Variants in THSD4 observed in about 807,000 individuals in gnomAD.
THSD4 encodes thrombospondin type-1 domain-containing protein 4.
In THSD4, 69 loss-of-function variants were observed where a neutral mutation model predicts 119.0. The ratio of observed to expected loss-of-function variants is 0.58; its 90% CI spans 0.48 to 0.71. The LOEUF (loss-of-function observed/expected upper bound fraction) is 0.71. THSD4 is among the 30% of genes least tolerant of loss of function. THSD4 has a pLI of 0.00. For synonymous variants in THSD4, 524 were observed against 540.4 expected (o/e 0.97, Z 0.42); for missense variants, 1,393 against 1,391.1 (o/e 1.00, Z -0.02).
intron 7 of THSD4, among the ~76,000 whole-genome samples, chr15:71,455,689 G>A (rs1219675212): frequency 1.3e-5 from 2 of 152,180 alleles, no homozygotes; most frequent in African/African-American, 4.8e-5. Flanking sequence ...CGTTCCAGAT[G>A]AACCCCAATT....
chr15:71,217,275 A>G (rs566202474), intron 4 of THSD4, among the ~76,000 whole-genome samples: 22 of 152,272 alleles, frequency 1.4e-4, no homozygotes, highest in South Asian at 4.1e-4. Context: ...GGATGTTCTC[A>G]CCAAGCAGGA....
chr15:71,740,399 A>G (rs1323245921), intron 11 of THSD4, among the ~76,000 whole-genome samples: 1 of 152,224 alleles, frequency 6.6e-6, no homozygotes, highest in African/African-American at 2.4e-5. Context: ...CATCAAAGGA[A>G]CCAGATACAC....
intron 6 of THSD4, among the ~76,000 whole-genome samples, chr15:71,392,733 T>C (rs1020864952): frequency 2.6e-5 from 4 of 152,240 alleles, no homozygotes; most frequent in African/African-American, 9.6e-5. Context: ...ACACCTCATT[T>C]AACTCAATGG....
chr15:71,236,045 G>A (rs2044102552), intron 4 of THSD4, among the ~76,000 whole-genome samples: 1 of 152,186 alleles, frequency 6.6e-6, no homozygotes, highest in Admixed American at 6.5e-5. Context: ...CACTCCTCTG[G>A]TTCCTCGAGG....
intron 6 of THSD4, among the ~76,000 whole-genome samples, chr15:71,346,993 C>T (rs1378021046): frequency 6.7e-6 from 1 of 149,948 alleles, no homozygotes; most frequent in Admixed American, 6.8e-5. Flanking sequence ...CCTGCCTCCG[C>T]TTCCTGAGTA....
chr15:71,284,794 T>C (rs1046387830), intron 6 of THSD4, among the ~76,000 whole-genome samples: 2 of 152,184 alleles, frequency 1.3e-5, no homozygotes, highest in Admixed American at 1.3e-4. Flanking sequence ...TCCAGGTCTT[T>C]ACTTTTGTGT....
intron 6 of THSD4, among the ~76,000 whole-genome samples, chr15:71,374,641 C>G (rs2046106693): frequency 6.6e-6 from 1 of 152,150 alleles, no homozygotes. Flanking sequence ...AGGAATGAAT[C>G]TTGAGGGTGA....
intron 7 of THSD4, among the ~76,000 whole-genome samples, chr15:71,642,942 AAGTAT>A (rs1228493387): frequency 6.6e-6 from 1 of 152,076 alleles, no homozygotes; most frequent in East Asian, 1.9e-4. Context: ...CTAAAACTTA[AAGTAT>A]AATAATAATA....
intron 8 of THSD4, among the ~76,000 whole-genome samples, chr15:71,670,351 A>G (rs2051499059): frequency 6.6e-6 from 1 of 151,698 alleles, no homozygotes; most frequent in South Asian, 2.1e-4. Context: ...TGTCCTGGCA[A>G]TAGTTTGCTC....
chr15:71,566,123 TTTTC>T (rs1162321979), intron 7 of THSD4, among the ~76,000 whole-genome samples: 5 of 148,848 alleles, frequency 3.4e-5, no homozygotes, highest in African/African-American at 7.4e-5. Flanking sequence ...AAACCATTTC[TTTTC>T]TTTCTTTCTT....
At chr15:71,112,241 G>A (rs1332625198), upstream of THSD4, 5 of 1,607,474 alleles carry the variant, frequency 3.1e-6, no homozygotes, top group Middle Eastern at 1.6e-4. Context: ...GATCAGTGAG[G>A]TGGGGTGGTG....
intron 3 of THSD4, among the ~76,000 whole-genome samples, chr15:71,173,278 T>G (rs560738948): frequency 2.0e-4 from 30 of 152,026 alleles, no homozygotes; most frequent in Admixed American, 7.9e-4. Flanking sequence ...TACAGTAGCA[T>G]TGAAAAAAAT....
intron 4 of THSD4, among the ~76,000 whole-genome samples, chr15:71,227,091 C>T (rs1487413470): frequency 6.6e-6 from 1 of 152,152 alleles, no homozygotes; most frequent in Non-Finnish European, 1.5e-5. Flanking sequence ...AGAGCTAGGC[C>T]TGATGGTATG....
intron 7 of THSD4, among the ~76,000 whole-genome samples, chr15:71,506,805 G>A (rs2140744424): frequency 6.6e-6 from 1 of 152,308 alleles, no homozygotes; most frequent in South Asian, 2.1e-4. Context: ...TGTGTTTCAG[G>A]CTCAGCTGCC....
chr15:71,262,421 C>G (rs973579743), intron 6 of THSD4, among the ~76,000 whole-genome samples: 1 of 152,072 alleles, frequency 6.6e-6, no homozygotes, highest in Non-Finnish European at 1.5e-5. Flanking sequence ...TCCATTACAC[C>G]GAGCATGGGC....
chr15:71,218,061 C>G (rs370385582), intron 4 of THSD4, among the ~76,000 whole-genome samples: 1 of 151,696 alleles, frequency 6.6e-6, no homozygotes, highest in Non-Finnish European at 1.5e-5. Context: ...CATGAGTCAC[C>G]GTGCGTGGCC....
Position 71,704,232 on chromosome 15 carries a change from G to A in THSD4, c.1358-24317G>A, listed in dbSNP as rs1395185061. Among the ~76,000 whole-genome samples, 6 of 152,334 alleles carry A rather than the reference G, an allele frequency of 3.9e-5. No homozygotes were observed. The East Asian group carries it at 1.2e-3, about 29-fold the overall frequency. ...TTTCTTAGAGTTAGCACCCTAACAT[G>A]AAGATTGCTAAGTGACAAGATAGCA... On this transcript the variant is annotated intron_variant, in intron 8 of 17. Coordinates refer to ENST00000261862, the MANE Select transcript of THSD4 (RefSeq NM_024817.3).
intron 6 of THSD4, among the ~76,000 whole-genome samples, chr15:71,308,814 A>G (rs776797189): frequency 6.6e-6 from 1 of 152,176 alleles, no homozygotes; most frequent in Non-Finnish European, 1.5e-5. Flanking sequence ...AAGAACTGCT[A>G]AATTGTTTTC....
intron 2 of THSD4, among the ~76,000 whole-genome samples, chr15:71,141,959 T>G (rs999894864): frequency 6.6e-6 from 1 of 152,082 alleles, no homozygotes; most frequent in African/African-American, 2.4e-5. Flanking sequence ...CAAAATTAGC[T>G]GGGCATGGCG....
Sources: gnomAD v4.1 joint callset for allele counts (sites outside exome capture counted in the v4.1 genomes callset) on GRCh38, gnomAD v4.1.1 for gene constraint, MANE v1.5 for transcripts, NCBI Gene and HGNC (gene_info 2026-07-23, HGNC 2026-07-21) for gene names.